The following GSN variants were observed in gnomAD, a reference collection of about 807,000 sequenced individuals.
GSN encodes actin-depolymerizing factor.
In GSN, 56 loss-of-function variants were observed where a neutral mutation model predicts 85.7. The ratio of observed to expected loss-of-function variants is 0.65; its 90% CI spans 0.53 to 0.82. GSN has a LOEUF of 0.82. Among genes scored for constraint, GSN ranks in the 40% least tolerant of loss-of-function variants. GSN has a pLI of 0.00. For synonymous variants in GSN, 373 were observed against 399.1 expected (o/e 0.93, Z 0.78); for missense variants, 857 against 979.8 (o/e 0.87, Z 1.67).
chr9:121,291,145 AATTTAC>A (rs1291859848), intron 2 of GSN, among the ~76,000 whole-genome samples: 10 of 152,210 alleles, frequency 6.6e-5, no homozygotes, highest in Non-Finnish European at 1.3e-4. Context: ...GTTACATAGA[AATTTAC>A]ATTTACATTT....
At chr9:121,302,831 G>A (rs1387596280) in intron 3 of GSN, 80 bp from the exon 4 acceptor site, 5 of 1,432,790 alleles carry the variant, frequency 3.5e-6, no homozygotes, top group Non-Finnish European at 4.9e-6. Context: ...CAGTGCTGGG[G>A]TTCCTCCTCC....
At chr9:121,330,655 AT>A (rs1354976579) in intron 16 of GSN, among the ~76,000 whole-genome samples, 1 of 152,232 alleles carries the variant, frequency 6.6e-6, no homozygotes, top group East Asian at 1.9e-4. Flanking sequence ...TTGAAGTAAT[AT>A]TTTAGATATG....
At chr9:121,219,944 C>G (rs143034530) in intron 4 of GSN, among the ~76,000 whole-genome samples, 1 of 151,800 alleles carries the variant, frequency 6.6e-6, no homozygotes, top group African/African-American at 2.4e-5. Context: ...TGCAATGGCG[C>G]GATCTCAGCT....
chr9:121,286,631 G>A, intron 2 of GSN: 1 of 1,529,240 alleles, frequency 6.5e-7, no homozygotes, highest in Non-Finnish European at 8.7e-7. Flanking sequence ...GACTATTGGT[G>A]TTCCTGTTTG....
In GSN at chr9:121,291,015, C is replaced by T. The variant is rs140929814; in HGVS notation, c.-10+9453C>T. Among the ~76,000 whole-genome samples the T allele has an allele frequency of 4.7e-3, 707 of 151,726 alleles. 6 individuals carry two copies. Among genetic ancestry groups the T allele is most frequent in the Middle Eastern group, 0.02 (6 of 294 alleles). ...TGCTACCTTGCACCCTCCATATCCTCATTCGTGGATTCAACCAACCACAGA... is the reference window on the plus strand; with the variant it reads ...TGCTACCTTGCACCCTCCATATCCTTATTCGTGGATTCAACCAACCACAGA... On this transcript the variant is annotated intron_variant, in intron 2 of 17. Transcript: ENST00000432226.
intron 2 of GSN, 25 bp from the exon 3 acceptor site, chr9:121,301,938 T>C (rs369635029): frequency 2.0e-5 from 33 of 1,613,776 alleles, no homozygotes; most frequent in Non-Finnish European, 2.7e-5. Flanking sequence ...CTGCCCCGCT[T>C]AGGCTCTGCC....
intron 6 of GSN, among the ~76,000 whole-genome samples, chr9:121,252,011 G>C (rs999054685): frequency 6.6e-6 from 1 of 152,032 alleles, no homozygotes; most frequent in African/African-American, 2.4e-5. Flanking sequence ...AGTATAATTT[G>C]AAAAATTAGA....
chr9:121,256,707 A>G (rs1424345839), intron 6 of GSN, among the ~76,000 whole-genome samples: 5 of 152,048 alleles, frequency 3.3e-5, no homozygotes, highest in African/African-American at 1.2e-4. Flanking sequence ...GTGAAACCCC[A>G]TCTCTACTAA....
At chr9:121,286,445 T>C in intron 2 of GSN, 1 of 695,398 alleles carries the variant, frequency 1.4e-6, no homozygotes, top group Non-Finnish European at 2.3e-6. Context: ...CTCCAAACTG[T>C]TTACGCTTCC....
At chr9:121,225,961 TGC>T (rs2054265544) in intron 4 of GSN, among the ~76,000 whole-genome samples, 1 of 152,148 alleles carries the variant, frequency 6.6e-6, no homozygotes, top group Non-Finnish European at 1.5e-5. Context: ...CCTGCCACCA[TGC>T]CTGGCTAAGT....
intron 2 of GSN, chr9:121,286,149 C>G (rs763785841): frequency 6.5e-7 from 1 of 1,535,330 alleles, no homozygotes. Flanking sequence ...TCGCGATGGC[C>G]GAGGAAGAAG....
intron 8 of GSN, 77 bp downstream of exon 8, chr9:121,317,295 G>T: frequency 6.7e-7 from 1 of 1,489,968 alleles, no homozygotes. Context: ...CAGGAACTCA[G>T]CTCCCGGGGA....
In GSN at chr9:121,299,671, G is replaced by T. The variant is rs1588921310; in HGVS notation, c.-9-2292G>T. On this transcript the variant is annotated intron_variant, in intron 2 of 17. Transcript: ENST00000432226. This position sits in a 1 kb window ranked among gnomAD's most constrained non-coding sequence, Gnocchi z 4.2. Reference sequence around the variant, plus strand: ...TGGGTCTCCGCCCCGGAGCTGGGGTGCAGGGGCTGCCGCGCCCTGTCGGGT... The same window carrying T: ...TGGGTCTCCGCCCCGGAGCTGGGGTTCAGGGGCTGCCGCGCCCTGTCGGGT... The T allele has an allele frequency of 5.7e-6, 4 of 703,814 alleles. No homozygotes were observed. The highest frequency in any genetic ancestry group is 1.1e-3 in the Middle Eastern group (2 of 1,814). 43.6% of individuals were successfully genotyped at this position (703,814 alleles called of 1,614,324 possible). A position where few individuals can be genotyped will look rare whatever the true frequency, so the allele number is the denominator to read the frequency against.
At position 121,312,316 on chromosome 9, in the gene GSN, C is replaced by T. The variant is rs773555604; in HGVS notation, c.514-23C>T. The T allele has an allele frequency of 5.2e-5, 84 of 1,613,734 alleles. 1 individual carries two copies. In the South Asian group the frequency reaches 8.9e-4, roughly 17 times the overall value. ...GGCTTATAGGAAGGCGGGGCACTGA[C>T]TTCCTGGGTCTCTGTCTTCCAGAAC... is the stretch of plus-strand genomic sequence containing the variant. On this transcript the variant is annotated intron_variant, in intron 5 of 17. Transcript: ENST00000432226.
chr9:121,329,060 C>T lies in GSN; in HGVS notation c.1887+45C>T, dbSNP rs150069261. The stretch of plus-strand genomic sequence containing the variant: ...ACACCTCTGCTTTCCCCTCGGGAGG[C>T]GAGTTCCACAGGACTGGCCGGCAGC... On this transcript the variant is annotated intron_variant, in intron 15 of 17. Transcript: ENST00000432226. This position sits in a 1 kb window ranked among gnomAD's most constrained non-coding sequence, Gnocchi z 4.6. The T allele has an allele frequency of 6.8e-6, 11 of 1,608,354 alleles. No individual in the cohort carries two copies. Among genetic ancestry groups the T allele is most frequent in the East Asian group, 2.2e-5 (1 of 44,800 alleles).
At chr9:121,216,228 G>A (rs879489792) in intron 4 of GSN, among the ~76,000 whole-genome samples, 3 of 152,100 alleles carry the variant, frequency 2.0e-5, no homozygotes, top group Non-Finnish European at 2.9e-5. Context: ...AATTACAGAC[G>A]TGAGCCACTG....
rs1306382071 is a variant in GSN at position 121,302,112 on chromosome 9, G to A, written c.141G>A (p.Leu47=). Residue 47 remains leucine, a synonymous_variant, in exon 3 of 18, where the codon CTG becomes CTA. Transcript: ENST00000432226. ...DFFTGDAYVI[L]KTVQLRNGNL... ...TCACGGGCGACGCCTACGTCATCCT[G>A]AAGACAGTGCAGCTGAGGAACGGAA... 6.2e-7 allele frequency: 1 copy of A among 1,614,234 alleles called. No homozygotes were observed. The highest frequency in any genetic ancestry group is 8.5e-7 in the Non-Finnish European group (1 of 1,180,024).
At position 121,321,116 on chromosome 9, in the gene GSN, T is replaced by C. The variant is rs2062384449; in HGVS notation, c.1192-152T>C. 3.5e-6 allele frequency: 3 copies of C among 865,738 alleles called. No homozygotes were observed. The South Asian group carries it at 4.1e-5, about 12-fold the overall frequency. The allele number at this position is 865,738 out of a possible 1,614,324, so 53.6% of individuals were successfully genotyped here. ...CCCTGCCTTCTAGTGGCTCTGTGAGTTGGGCAAACCATTTAACTCCAGTCC... is the reference window on the plus strand; with the variant it reads ...CCCTGCCTTCTAGTGGCTCTGTGAGCTGGGCAAACCATTTAACTCCAGTCC... On this transcript the variant is annotated intron_variant, in intron 10 of 17. Coordinates refer to ENST00000432226, the MANE Select transcript of GSN (RefSeq NM_198252.3).
At chr9:121,294,507 G>A (rs1465123150) in intron 2 of GSN, among the ~76,000 whole-genome samples, 2 of 152,210 alleles carry the variant, frequency 1.3e-5, no homozygotes, top group Admixed American at 1.3e-4. Flanking sequence ...CCCTCCAGAT[G>A]TCCAGCCCTG....
Sources: gnomAD v4.1 joint callset for allele counts (sites outside exome capture counted in the v4.1 genomes callset) on GRCh38, gnomAD v4.1.1 for gene constraint, Gnocchi (gnomAD v3.1) non-coding constraint, MANE v1.5 for transcripts, NCBI Gene and HGNC (gene_info 2026-07-23, HGNC 2026-07-21) for gene names.